DAB1: variants seen among roughly 807,000 people sequenced by gnomAD.
DAB1 encodes disabled homolog 1.
DAB1 carries 15 observed loss-of-function variants against 64.6 expected under a neutral mutation model. That is an observed-to-expected ratio of 0.23 (90% CI 0.16 to 0.36). The LOEUF (loss-of-function observed/expected upper bound fraction) is 0.36, where lower values mean the gene tolerates loss of function less well. Among genes scored for constraint, DAB1 ranks in the 10% least tolerant of loss-of-function variants. The pLI is 1.00. For missense variants in DAB1, 596 were observed against 706.7 expected (o/e 0.84, Z 1.78); for synonymous variants, 235 against 251.9 (o/e 0.93, Z 0.64).
At chr1:57,005,266 A>G (rs1477654573) in intron 14 of DAB1, among the ~76,000 whole-genome samples, 2 of 152,212 alleles carry the variant, frequency 1.3e-5, no homozygotes, top group Admixed American at 6.5e-5. Flanking sequence ...TGTTTTGCAC[A>G]TGTACATCAT....
intron 7 of DAB1, among the ~76,000 whole-genome samples, chr1:57,457,170 A>G (rs1686626951): frequency 6.6e-6 from 1 of 152,102 alleles, no homozygotes; most frequent in Non-Finnish European, 1.5e-5. Context: ...AGTATCAGAG[A>G]CCCTTCTGCC....
intron 1 of DAB1, among the ~76,000 whole-genome samples, chr1:57,310,002 C>G (rs566718654): frequency 5.3e-5 from 8 of 152,192 alleles, no homozygotes; most frequent in Non-Finnish European, 8.8e-5. Flanking sequence ...ACTCCAAACA[C>G]GTTTATTTAC....
At chr1:57,896,090 C>A (rs1235830782) in intron 5 of DAB1, among the ~76,000 whole-genome samples, 3 of 152,098 alleles carry the variant, frequency 2.0e-5, no homozygotes, top group Non-Finnish European at 4.4e-5. Flanking sequence ...AATATGTGGG[C>A]TAAAACTGGC....
chr1:57,604,396 T>G (rs999478376), intron 7 of DAB1, among the ~76,000 whole-genome samples: 7 of 140,828 alleles, frequency 5.0e-5, no homozygotes, highest in African/African-American at 1.6e-4. Flanking sequence ...TATTGCTTGT[T>G]TTATTATAAA....
At chr1:57,618,693 T>C (rs1222452866) in intron 7 of DAB1, among the ~76,000 whole-genome samples, 2 of 151,996 alleles carry the variant, frequency 1.3e-5, no homozygotes, top group Non-Finnish European at 2.9e-5. Flanking sequence ...CTTTTGGAAT[T>C]AATGTTTTTT....
intron 4 of DAB1, among the ~76,000 whole-genome samples, chr1:57,106,264 C>CCT (rs1553142630): frequency 6.6e-6 from 1 of 151,468 alleles, no homozygotes; most frequent in Non-Finnish European, 1.5e-5. Context: ...AACACCCCCC[C>CCT]CCATCAGTAT....
chr1:57,944,130 C>T (rs762102604), intron 5 of DAB1, among the ~76,000 whole-genome samples: 23 of 152,178 alleles, frequency 1.5e-4, no homozygotes, highest in Non-Finnish European at 3.2e-4. Context: ...TTCATAATCT[C>T]TTCCCACTGG....
At chr1:58,061,617 C>T (rs2100551754) in intron 5 of DAB1, among the ~76,000 whole-genome samples, 1 of 152,252 alleles carries the variant, frequency 6.6e-6, no homozygotes, top group African/African-American at 2.4e-5. Context: ...GACCCTATTC[C>T]CAAATAAAGT....
At chr1:58,061,276 AC>A (rs1395857706) in intron 5 of DAB1, among the ~76,000 whole-genome samples, 2 of 152,216 alleles carry the variant, frequency 1.3e-5, no homozygotes, top group African/African-American at 4.8e-5. Flanking sequence ...GGTCGCTGAA[AC>A]AAAGTGCCAC....
At chr1:57,939,787 C>A (rs1303937945) in intron 5 of DAB1, among the ~76,000 whole-genome samples, 3 of 152,182 alleles carry the variant, frequency 2.0e-5, no homozygotes, top group South Asian at 4.1e-4. Context: ...AAGGAACACA[C>A]CCCAGCATGT....
chr1:57,091,250 A>G (rs1447519050), intron 4 of DAB1, among the ~76,000 whole-genome samples: 1 of 152,002 alleles, frequency 6.6e-6, no homozygotes, highest in Admixed American at 6.6e-5. Flanking sequence ...ATATTGATAA[A>G]TTGTCTCTAC....
intron 5 of DAB1, among the ~76,000 whole-genome samples, chr1:57,947,511 C>G (rs1045327424): frequency 6.6e-6 from 1 of 152,164 alleles, no homozygotes; most frequent in African/African-American, 2.4e-5. Flanking sequence ...TACCCAACAG[C>G]ACTTCCCTCA....
rs548510971 is a variant in DAB1 at position 58,299,792 on chromosome 1, T to C, written n.309+43560A>G. Among the ~76,000 whole-genome samples the C allele has an allele frequency of 3.1e-4, 47 of 152,308 alleles. 1 individual carries two copies. The highest frequency in any genetic ancestry group is 1.8e-3 in the Admixed American group (27 of 15,300). ...ACTTCTGCTCAGAGTATGTAGGGCC[T>C]GTGCATTTGTCTTCTTGCCTACCAA... On this transcript the variant is annotated intron_variant and non_coding_transcript_variant, in intron 4 of 20. Coordinates refer to the DAB1 transcript ENST00000485760.
In DAB1 at chr1:58,415,993, C is replaced by T. The variant is rs144874816; in HGVS notation, n.258-72590G>A. ...GATGTGCTTAGAACCATTTGTGACA[C>T]GTGGTAAGTGTCAATAAGCAATACC... On this transcript the variant is annotated intron_variant and non_coding_transcript_variant, in intron 3 of 20. Transcript: ENST00000485760. Among the ~76,000 whole-genome samples the T allele has an allele frequency of 6.8e-4, 104 of 152,310 alleles. 2 individuals are homozygous for T. The South Asian group carries it at 0.014, about 21-fold the overall frequency.
chr1:57,033,396 T>A (rs1228763001), intron 9 of DAB1: 1 of 1,612,772 alleles, frequency 6.2e-7, no homozygotes, highest in Non-Finnish European at 8.5e-7. Context: ...CTTCGTTGCC[T>A]CAAAAATCTC....
chr1:57,033,865 A>C (rs1389246526), intron 9 of DAB1, among the ~76,000 whole-genome samples: 2 of 152,236 alleles, frequency 1.3e-5, no homozygotes, highest in Non-Finnish European at 1.5e-5. Flanking sequence ...ACCATGGATA[A>C]GAGCATGCTG....
intron 1 of DAB1, among the ~76,000 whole-genome samples, chr1:57,873,595 T>G (rs184373522): frequency 1.1e-4 from 17 of 152,302 alleles, no homozygotes; most frequent in Non-Finnish European, 2.2e-4. Context: ...CGGGACCACA[T>G]GTACAGAAAA....
chr1:57,905,084 C>T (rs1644530849), intron 5 of DAB1, among the ~76,000 whole-genome samples: 1 of 151,946 alleles, frequency 6.6e-6, no homozygotes, highest in South Asian at 2.1e-4. Flanking sequence ...CTCACAATAA[C>T]CATACAAAAT....
chr1:58,381,920 ATCAAAGAAGTGAGACTGAATGACAC>A (rs1644393448), intron 3 of DAB1, among the ~76,000 whole-genome samples: 3 of 152,174 alleles, frequency 2.0e-5, no homozygotes, highest in African/African-American at 7.2e-5. Context: ...GAATGACACC[ATCAAAGAAGTGAGACTGAATGACAC>A]CATCAAAGAA....
Sources: allele counts gnomAD v4.1 joint callset (sites outside exome capture counted in the v4.1 genomes callset), GRCh38; gene constraint gnomAD v4.1.1; transcripts MANE v1.5; gene names NCBI Gene and HGNC (gene_info 2026-07-23, HGNC 2026-07-21).